Variants in PTPN2 observed in about 807,000 individuals in gnomAD.
PTPN2 encodes protein tyrosine phosphatase non-receptor type 2, also known as tyrosine-protein phosphatase non-receptor type 2.
Under a neutral mutation model 57.3 loss-of-function variants are expected in PTPN2, and 19 were observed. That is an observed-to-expected ratio of 0.33 (90% CI 0.23 to 0.49). The LOEUF (loss-of-function observed/expected upper bound fraction) is 0.49. Among genes scored for constraint, PTPN2 ranks in the 20% least tolerant of loss-of-function variants. The pLI is 0.99. For synonymous variants in PTPN2, 153 were observed against 164.9 expected (o/e 0.93, Z 0.55); for missense variants, 358 against 501.1 (o/e 0.71, Z 2.73).
rs750575644 is a variant in PTPN2, at chr18:12,836,897, A to G, written c.161-6T>C. ...TTTAACACGACTGTGATCATCTGAA[A>G]ATAGAGAATGATAAACCACAACTGT... On this transcript the variant is annotated splice_polypyrimidine_tract_variant and splice_region_variant and intron_variant, in intron 2 of 8. Transcript: ENST00000309660. 6 of 1,558,368 alleles carry G rather than the reference A, an allele frequency of 3.9e-6. No homozygotes were observed. Among genetic ancestry groups the G allele is most frequent in the African/African-American group, 2.7e-5 (2 of 73,760 alleles).
intron 8 of PTPN2, among the ~76,000 whole-genome samples, chr18:12,795,940 T>C (rs74337833): frequency 6.6e-6 from 1 of 151,146 alleles, no homozygotes; most frequent in African/African-American, 2.4e-5. Context: ...TTAAAATCTT[T>C]TTTTTTTTTT....
chr18:12,867,095 C>A (rs998199467), intron 1 of PTPN2, among the ~76,000 whole-genome samples: 1 of 150,734 alleles, frequency 6.6e-6, no homozygotes, highest in African/African-American at 2.4e-5. Flanking sequence ...GAGTTCAAGA[C>A]CAGCCTGGGC....
intron 2 of PTPN2, among the ~76,000 whole-genome samples, chr18:12,845,635 T>C (rs1397968666): frequency 6.6e-6 from 1 of 152,214 alleles, no homozygotes; most frequent in Non-Finnish European, 1.5e-5. Flanking sequence ...AGGTCATTTT[T>C]ATTTCTTCCC....
chr18:12,870,510 G>A (rs867525261), intron 1 of PTPN2, among the ~76,000 whole-genome samples: 1 of 54,412 alleles, frequency 1.8e-5, no homozygotes, highest in South Asian at 1.1e-3. Flanking sequence ...AAAGCGTGTT[G>A]TTTTTTTTTT....
intron 5 of PTPN2, among the ~76,000 whole-genome samples, chr18:12,823,214 TA>T (rs1385067533): frequency 1.3e-5 from 2 of 152,060 alleles, no homozygotes; most frequent in Non-Finnish European, 2.9e-5. Context: ...CCCAGGCCAA[TA>T]AAAAATCCAG....
Position 12,814,247 on chromosome 18 carries a change from T to C in PTPN2, c.814A>G (p.Ile272Val), listed in dbSNP as rs762152963. 5.0e-6 allele frequency: 8 copies of C among 1,606,434 alleles called. No homozygotes were observed. The Admixed American group carries it at 5.0e-5, about 10-fold the overall frequency. ...PDQLRFSYMA[I>V]IEGAKCIKGD... ...TTTATACATTTTGCTCCTTCTATTA[T>C]AGCCATGTATGAGAATCTCAGTTGA... Residue 272 changes from isoleucine (I) to valine (V), a missense_variant, in exon 7 of 9, where the codon ATA becomes GTA. This residue lies in a region of PTPN2 where 193 missense variants were observed against 315.4 expected (regional missense o/e 0.61). Coordinates refer to ENST00000309660, the MANE Select transcript of PTPN2 (RefSeq NM_002828.4).
chr18:12,818,615 C>T (rs2042160928), intron 5 of PTPN2, among the ~76,000 whole-genome samples: 1 of 151,494 alleles, frequency 6.6e-6, no homozygotes, highest in African/African-American at 2.4e-5. Flanking sequence ...CAGTGGTCTT[C>T]CACTAATATG....
At chr18:12,870,458 T>TAG (rs1196570644) in intron 1 of PTPN2, among the ~76,000 whole-genome samples, 733 of 30,234 alleles carry the variant, frequency 0.024, 41 homozygotes, top group Middle Eastern at 0.042. Flanking sequence ...TATATATATA[T>TAG]ATATAGAGAG....
intron 7 of PTPN2, 111 bp from the exon 8 acceptor site, chr18:12,802,262 AT>A (rs1252435165): frequency 3.6e-6 from 3 of 827,796 alleles, no homozygotes; most frequent in Non-Finnish European, 5.4e-6. Flanking sequence ...AAACCCAATG[AT>A]GCTAAAAGAT....
chr18:12,833,486 G>T (rs1287810816), intron 3 of PTPN2, among the ~76,000 whole-genome samples: 1 of 152,208 alleles, frequency 6.6e-6, no homozygotes, highest in Admixed American at 6.5e-5. Flanking sequence ...AGCAGGAAAG[G>T]CTGGGAAGGA....
intron 4 of PTPN2, among the ~76,000 whole-genome samples, chr18:12,826,720 C>A (rs2042474970): frequency 6.6e-6 from 1 of 152,060 alleles, no homozygotes; most frequent in African/African-American, 2.4e-5. Context: ...AGGCGTCTGC[C>A]ACCACACCCA....
Position 12,859,178 on chromosome 18 carries a change from CTG to C in PTPN2, c.144_145del (p.Tyr48Ter), listed in dbSNP as rs1191212687. ...CAAGTACTTACATGGGCTTACATCT[CTG>C]TATCTGTTTCGATTTCTGTTTTCTG... On this transcript the variant is annotated stop_gained and frameshift_variant, in exon 2 of 9. Coordinates refer to ENST00000309660, the MANE Select transcript of PTPN2 (RefSeq NM_002828.4). LOFTEE classifies it high-confidence loss of function. 6.2e-7 allele frequency: 1 copy of C among 1,612,652 alleles called. No homozygotes were observed. Among genetic ancestry groups the C allele is most frequent in the African/African-American group, 1.3e-5 (1 of 74,896 alleles).
chr18:12,881,043 T>C (rs1384313576), intron 1 of PTPN2, among the ~76,000 whole-genome samples: 1 of 152,232 alleles, frequency 6.6e-6, no homozygotes, highest in African/African-American at 2.4e-5. Context: ...AAGCTCATCA[T>C]GTCTCTTCAG....
At chr18:12,815,105 T>C (rs1195186068) in intron 6 of PTPN2, among the ~76,000 whole-genome samples, 1 of 69,754 alleles carries the variant, frequency 1.4e-5, no homozygotes, top group Non-Finnish European at 4.4e-5. Flanking sequence ...AATAAATAAA[T>C]AAATAAATAA....
At chr18:12,869,649 G>A (rs894092401) in intron 1 of PTPN2, among the ~76,000 whole-genome samples, 8 of 152,110 alleles carry the variant, frequency 5.3e-5, no homozygotes, top group African/African-American at 1.7e-4. Flanking sequence ...GAACTGCTAC[G>A]ATGTAGTAGC....
chr18:12,817,666 T>C (rs563963561), intron 5 of PTPN2, among the ~76,000 whole-genome samples: 67 of 152,318 alleles, frequency 4.4e-4, no homozygotes, highest in Non-Finnish European at 8.1e-4. Flanking sequence ...ATTTTCCTGA[T>C]GAGGAAACTG....
intron 1 of PTPN2, among the ~76,000 whole-genome samples, chr18:12,866,217 T>A (rs1489389530): frequency 6.6e-6 from 1 of 151,960 alleles, no homozygotes; most frequent in Non-Finnish European, 1.5e-5. Context: ...GGCAGGTGGA[T>A]CACGAGGTCA....
intron 7 of PTPN2, among the ~76,000 whole-genome samples, chr18:12,810,151 T>C (rs2041840354): frequency 6.6e-6 from 1 of 152,092 alleles, no homozygotes; most frequent in South Asian, 2.1e-4. Flanking sequence ...CACTGTACTC[T>C]AGCCTGGGTG....
intron 7 of PTPN2, among the ~76,000 whole-genome samples, chr18:12,803,545 T>A (rs184465975): frequency 4.5e-4 from 68 of 152,240 alleles, no homozygotes; most frequent in African/African-American, 1.5e-3. Context: ...AGTGAAGGGA[T>A]GAGAAATGAT....
Sources: allele counts gnomAD v4.1 joint callset (sites outside exome capture counted in the v4.1 genomes callset), GRCh38; gene constraint gnomAD v4.1.1; regional missense constraint gnomAD v4.1.1; transcripts MANE v1.5; gene names NCBI Gene and HGNC (gene_info 2026-07-23, HGNC 2026-07-21).